Variants in HSPG2 observed in about 807,000 individuals in gnomAD.
The protein encoded by HSPG2 is basement membrane-specific heparan sulfate proteoglycan core protein.
In HSPG2, 278 loss-of-function variants were observed where a neutral mutation model predicts 526.6. The observed-to-expected ratio is 0.53, with a 90% confidence interval of 0.48 to 0.58. HSPG2 has a LOEUF of 0.58. Ranked by LOEUF, HSPG2 falls within the 20% of genes least tolerant of loss-of-function variation. The pLI is 0.00. For missense variants in HSPG2, 5,354 were observed against 6,099.5 expected, an observed-to-expected ratio of 0.88 and a Z score of 4.07; for synonymous variants, 2,465 against 2,555.4, an observed-to-expected ratio of 0.96 and a Z score of 1.07.
Position 21,831,808 on chromosome 1 carries a change from G to A in HSPG2, c.11208-12C>T. The A allele has an allele frequency of 6.3e-7, 1 of 1,588,710 alleles. No individual in the cohort carries two copies. The highest frequency in any genetic ancestry group is 2.3e-5 in the East Asian group (1 of 44,434). On this transcript the variant is annotated splice_polypyrimidine_tract_variant and intron_variant, in intron 81 of 96. Transcript: ENST00000374695. ...AGCCTGCATCGAACCTGCTCCGTGG[G>A]GCAGGCCGGGGCAGGAGAGAGTGGA...
intron 1 of HSPG2, among the ~76,000 whole-genome samples, chr1:21,926,119 GCCC>G (rs931279662): frequency 2.0e-5 from 3 of 152,050 alleles, no homozygotes; most frequent in Non-Finnish European, 4.4e-5. Flanking sequence ...TGAGAATCTG[GCCC>G]CCAACTCCCC....
rs1413470109 is a variant in HSPG2, at chr1:21,887,318, A to G, written c.975T>C (p.Cys325=). 1.2e-6 allele frequency: 2 copies of G among 1,613,944 alleles called. No homozygotes were observed. The highest frequency in any genetic ancestry group is 2.2e-5 in the East Asian group (1 of 44,892). Residue 325 remains cysteine (C), a synonymous_variant, in exon 9 of 97, where the codon TGT becomes TGC. Transcript: ENST00000374695. The surrounding 1 kb of genome is among the most constrained non-coding windows in gnomAD (Gnocchi z 5.0). ...DELDCGPPPP[C]EPNEFPCGNG... Reference sequence around the variant, plus strand: ...TCCCGCAGGGGAACTCGTTGGGCTCACAGGGTGGCGGGGGGCCTAGGAGAC... The same window carrying G: ...TCCCGCAGGGGAACTCGTTGGGCTCGCAGGGTGGCGGGGGGCCTAGGAGAC...
At chr1:21,881,558 C>T in intron 13 of HSPG2, 56 bp from the exon 14 acceptor site, 1 of 1,451,094 alleles carries the variant, frequency 6.9e-7, no homozygotes. Flanking sequence ...CTGATACACC[C>T]ATCTTGAGGG....
At chr1:21,869,791 T>C (rs1219450061) in intron 33 of HSPG2, 4 of 904,646 alleles carry the variant, frequency 4.4e-6, no homozygotes, top group Non-Finnish European at 5.3e-6. Context: ...CAAGTGCTGA[T>C]ACCTGGCACT....
intron 78 of HSPG2, 44 bp downstream of exon 78, chr1:21,833,772 C>T: frequency 6.5e-7 from 1 of 1,528,168 alleles, no homozygotes. Context: ...AGATCTGTTC[C>T]CAGCCCCCAA....
intron 1 of HSPG2, chr1:21,908,509 G>T: frequency 3.1e-6 from 3 of 964,526 alleles, no homozygotes; most frequent in African/African-American, 1.6e-5. Context: ...ACCCAGCAAA[G>T]CACACTTTGT....
chr1:21,849,038 G>A lies in HSPG2; in HGVS notation c.7447-7C>T, dbSNP rs776775001. ...GTAGCCTCGAGCCATGCACCTGGGA[G>A]GGTCAGGAGGGAGGAGGCAGGCTCA... On this transcript the variant is annotated splice_region_variant and splice_polypyrimidine_tract_variant and intron_variant, in intron 57 of 96. Transcript: ENST00000374695. The A allele has an allele frequency of 1.2e-6, 2 of 1,613,256 alleles. No individual in the cohort carries two copies. The highest frequency in any genetic ancestry group is 1.7e-6 in the Non-Finnish European group (2 of 1,179,638).
chr1:21,834,573 C>A, intron 77 of HSPG2, 106 bp downstream of exon 77: 2 of 1,355,550 alleles, frequency 1.5e-6, no homozygotes, highest in Non-Finnish European at 1.0e-6. Context: ...GGAAAATGTC[C>A]CAAGTGAACA....
At chr1:21,918,977 G>A (rs374113648) in intron 1 of HSPG2, among the ~76,000 whole-genome samples, 5 of 152,190 alleles carry the variant, frequency 3.3e-5, no homozygotes, top group Admixed American at 2.0e-4. Flanking sequence ...TAGGGCAGTG[G>A]CTGCTGCTGC....
At chr1:21,831,897 A>C in intron 81 of HSPG2, 101 bp from the exon 82 acceptor site, 15 of 1,274,110 alleles carry the variant, frequency 1.2e-5, no homozygotes, top group Non-Finnish European at 1.6e-5. Flanking sequence ...GAGGGATGTC[A>C]CCACTTCCTG....
At chr1:21,867,676 A>C (rs546371963) in intron 33 of HSPG2, among the ~76,000 whole-genome samples, 2 of 151,808 alleles carry the variant, frequency 1.3e-5, no homozygotes, top group South Asian at 2.1e-4. Flanking sequence ...TCTTATCCTC[A>C]CCCCTCAACC....
rs191104259 is a variant in HSPG2 at position 21,878,636 on chromosome 1, C to T, written c.2499G>A (p.Thr833=). ...AGGCGTCACATGTGGCTTGGCCATC[C>T]GTGTCCAGGAAGCAAGTGTCTGAGA... ...RRFSDTCFLD[T]DGQATCDACA... is the part of the protein sequence containing the mutation. The change falls in exon 19 of 97, where the codon ACG becomes ACA. Residue 833 remains threonine, a synonymous_variant. Transcript: ENST00000374695. 7.8e-5 allele frequency: 126 copies of T among 1,614,114 alleles called. No individual in the cohort carries two copies. The highest frequency in any genetic ancestry group is 2.4e-4 in the South Asian group (22 of 91,088).
intron 33 of HSPG2, chr1:21,870,192 C>T: frequency 2.1e-6 from 2 of 967,160 alleles, no homozygotes; most frequent in Non-Finnish European, 2.5e-6. Flanking sequence ...TACAACCTGT[C>T]CTAGCCAGGT....
In HSPG2 at chr1:21,873,084, G is replaced by A. The variant is rs371972884; in HGVS notation, c.3801C>T (p.Ser1267=). Residue 1267 remains serine, a synonymous_variant, in exon 31 of 97, where the codon AGC becomes AGT. Transcript: ENST00000374695. The stretch of plus-strand genomic sequence containing the variant: ...TGCAGCCTATGGGCCCTGGCACCTG[G>A]CTGTCTCCTGAGGTGGAAGAAAGCC... ...PSQGQPCQRD[S]QVPGPIGCNC... 2 of 1,600,422 alleles carry A rather than the reference G, an allele frequency of 1.2e-6. No homozygotes were observed. The highest frequency in any genetic ancestry group is 2.7e-5 in the African/African-American group (2 of 75,036).
intron 3 of HSPG2, among the ~76,000 whole-genome samples, chr1:21,892,862 CAAAAAA>C (rs564802827): frequency 1.9e-5 from 2 of 103,884 alleles, no homozygotes; most frequent in Admixed American, 2.1e-4. Flanking sequence ...GACTCCATCT[CAAAAAA>C]AAAAAAAAAA....
At chr1:21,860,389 G>A (rs1639695342) in intron 39 of HSPG2, among the ~76,000 whole-genome samples, 154 bp from the exon 40 acceptor site, 1 of 152,324 alleles carries the variant, frequency 6.6e-6, no homozygotes, top group South Asian at 2.1e-4. Context: ...AGGCCCCAAC[G>A]CAGGGTGCTG....
intron 33 of HSPG2, among the ~76,000 whole-genome samples, chr1:21,867,805 A>G (rs1040378715): frequency 1.3e-5 from 2 of 152,010 alleles, no homozygotes; most frequent in South Asian, 2.1e-4. Flanking sequence ...ATCTCAGCTC[A>G]CTGTAATCTC....
At position 21,828,771 on chromosome 1, in the gene HSPG2, G is replaced by T. The variant is rs1187561422; in HGVS notation, c.12237+64C>A. ...GGCCCAATGCCAAGGTGCTTGGAGA[G>T]CCGAGGGGGACACAAGGCTTGGCAC... On this transcript the variant is annotated intron_variant, in intron 88 of 96. Coordinates refer to ENST00000374695, the MANE Select transcript of HSPG2 (RefSeq NM_005529.7). The surrounding 1 kb of genome is among the most constrained non-coding windows in gnomAD (Gnocchi z 6.0). 1.9e-6 allele frequency: 3 copies of T among 1,548,036 alleles called. No homozygotes were observed. Among genetic ancestry groups the T allele is most frequent in the Non-Finnish European group, 2.6e-6 (3 of 1,146,380 alleles).
intron 55 of HSPG2, 197 bp downstream of exon 55, chr1:21,851,349 A>G: frequency 1.4e-6 from 1 of 694,508 alleles, no homozygotes; most frequent in Non-Finnish European, 2.4e-6. Context: ...CCGAGGTCAC[A>G]AGCTAAGTGG....
Sources: allele counts gnomAD v4.1 joint callset (sites outside exome capture counted in the v4.1 genomes callset), GRCh38; gene constraint gnomAD v4.1.1; non-coding constraint Gnocchi (gnomAD v3.1); transcripts MANE v1.5; gene names NCBI Gene and HGNC (gene_info 2026-07-23, HGNC 2026-07-21).